The following DYSF variants were observed in gnomAD, a reference collection of about 807,000 sequenced individuals.
DYSF encodes the protein dysferlin.
A neutral mutation model predicts 274.9 loss-of-function variants in DYSF; 212 were observed. The ratio of observed to expected loss-of-function variants is 0.77; its 90% CI spans 0.69 to 0.86. DYSF has a LOEUF of 0.86. DYSF is among the 40% of genes least tolerant of loss of function. The pLI is 0.00. For missense variants in DYSF, 2,666 were observed against 2,783.2 expected, an observed-to-expected ratio of 0.96 and a Z score of 0.95; for synonymous variants, 1,091 against 1,078.7, an observed-to-expected ratio of 1.01 and a Z score of -0.22.
At position 71,586,819 on chromosome 2, in the gene DYSF, G is replaced by A. The variant is rs116101653; in HGVS notation, c.3403-2774G>A. Among the ~76,000 whole-genome samples the A allele has an allele frequency of 8.6e-3, 1,306 of 152,112 alleles. 25 individuals carry two copies. Among genetic ancestry groups the A allele is most frequent in the African/African-American group, 0.03 (1,233 of 41,494 alleles). On this transcript the variant is annotated intron_variant, in intron 30 of 55. Coordinates refer to ENST00000410020, the MANE Select transcript of DYSF (RefSeq NM_001130987.2). The stretch of plus-strand genomic sequence containing the variant: ...AGGATGGGGCCCTGGAGCCGGAGGC[G>A]CCTCCCTCCCTATGCTCACCCTAGC...
At chr2:71,570,380 T>C (rs758944326) in intron 28 of DYSF, 46 bp downstream of exon 28, 97 of 1,590,226 alleles carry the variant, frequency 6.1e-5, no homozygotes, top group Non-Finnish European at 8.0e-5. Flanking sequence ...CGGCAAGCTC[T>C]CAAGCCATGC....
chr2:71,648,716 C>A (rs964368322), intron 42 of DYSF, among the ~76,000 whole-genome samples: 15 of 152,072 alleles, frequency 9.9e-5, no homozygotes, highest in African/African-American at 3.6e-4. Flanking sequence ...AGAAATAATT[C>A]TTTGGGTAGT....
chr2:71,453,660 T>C (rs1573204497), exon 1 of DYSF: 4 of 376,180 alleles, frequency 1.1e-5, no homozygotes, highest in South Asian at 2.2e-5. Context: ...TGCCGTGTCA[T>C]TGGGAGACTC....
chr2:71,537,116 C>A (rs192090186), intron 16 of DYSF, among the ~76,000 whole-genome samples: 1 of 150,902 alleles, frequency 6.6e-6, no homozygotes, highest in African/African-American at 2.4e-5. Context: ...CTGACCTTTT[C>A]TAGGGTTTGG....
Position 71,466,821 on chromosome 2 carries a change from G to T in DYSF, c.-22G>T. On this transcript the variant is annotated 5_prime_UTR_variant, in exon 1 of 56. Coordinates refer to ENST00000410020, the MANE Select transcript of DYSF (RefSeq NM_001130987.2). ...GCTCCCGCCCTGACTGCGCGCCTGT[G>T]TGCCGCCGGGGCTGCCCAGCCATGC... The T allele has an allele frequency of 6.6e-7, 1 of 1,505,998 alleles. No homozygotes were observed. Among genetic ancestry groups the T allele is most frequent in the South Asian group, 1.2e-5 (1 of 81,768 alleles). 93.3% of individuals were successfully genotyped at this position (1,505,998 alleles called of 1,614,324 possible).
At chr2:71,511,254 G>A (rs2086062533) in intron 4 of DYSF, among the ~76,000 whole-genome samples, 2 of 152,272 alleles carry the variant, frequency 1.3e-5, no homozygotes, top group South Asian at 4.1e-4. Context: ...GGCTCTGCAA[G>A]CCTGGCAGCA....
At chr2:71,516,296 G>GTT in intron 9 of DYSF, 54 bp downstream of exon 9, 1 of 1,539,686 alleles carries the variant, frequency 6.5e-7, no homozygotes, top group Middle Eastern at 1.7e-4. Flanking sequence ...GCACATAGGT[G>GTT]TCAGTGCACA....
At chr2:71,517,070 G>T in intron 10 of DYSF, 31 bp downstream of exon 10, 1 of 1,607,708 alleles carries the variant, frequency 6.2e-7, no homozygotes, top group Non-Finnish European at 8.5e-7. Flanking sequence ...AAAGCAGTCA[G>T]TTCTCACTTC....
At chr2:71,567,832 C>A in intron 24 of DYSF, 119 bp from the exon 25 acceptor site, 1 of 1,462,002 alleles carries the variant, frequency 6.8e-7, no homozygotes, top group Non-Finnish European at 9.3e-7. Flanking sequence ...AGGGGACACT[C>A]CCAGTGAGGG....
At position 71,665,180 on chromosome 2, in the gene DYSF, G is replaced by T; in HGVS notation, c.5193G>T (p.Trp1731Cys). The change falls in exon 47 of 56, where the codon TGG becomes TGT. Residue 1731 changes from tryptophan (W) to cysteine (C), a missense_variant. Around this residue, in one of 3 missense-constraint regions of DYSF, gnomAD observed 1,460 missense variants for 1,502.1 expected, o/e 0.97. Coordinates refer to ENST00000410020, the MANE Select transcript of DYSF (RefSeq NM_001130987.2). ...QTYCVSGPNQWRDQLRPSQLL... is the reference protein window; with the variant it reads ...QTYCVSGPNQCRDQLRPSQLL... ...TCCTCAGCTCTGGACCGAACCAGTGGCGGGACCAGCTCCGCCCCTCCCAGC... is the reference window on the plus strand; with the variant it reads ...TCCTCAGCTCTGGACCGAACCAGTGTCGGGACCAGCTCCGCCCCTCCCAGC... 6.2e-7 allele frequency: 1 copy of T among 1,613,830 alleles called. No individual in the cohort carries two copies. The highest frequency in any genetic ancestry group is 8.5e-7 in the Non-Finnish European group (1 of 1,180,028).
At chr2:71,596,570 C>G (rs866176626) in intron 32 of DYSF, among the ~76,000 whole-genome samples, 87 of 152,230 alleles carry the variant, frequency 5.7e-4, no homozygotes, top group Middle Eastern at 6.8e-3. Flanking sequence ...CCTCTGGGCC[C>G]TGCCAGGGGC....
intron 41 of DYSF, among the ~76,000 whole-genome samples, chr2:71,634,618 C>G (rs1301681096): frequency 6.6e-6 from 1 of 152,178 alleles, no homozygotes; most frequent in Admixed American, 6.5e-5. Flanking sequence ...TGTAAATCAA[C>G]TTAATCTCTC....
chr2:71,483,099 C>A (rs1396105241), intron 3 of DYSF, among the ~76,000 whole-genome samples: 1 of 152,128 alleles, frequency 6.6e-6, no homozygotes, highest in Admixed American at 6.5e-5. Flanking sequence ...CCAATTGCCA[C>A]CTTCTCTCTG....
At chr2:71,496,529 A>G (rs1394821828) in intron 3 of DYSF, among the ~76,000 whole-genome samples, 1 of 152,152 alleles carries the variant, frequency 6.6e-6, no homozygotes, top group Non-Finnish European at 1.5e-5. Flanking sequence ...ACTTACACGT[A>G]GACATATAGC....
chr2:71,555,790 G>A (rs1277097737), intron 21 of DYSF, among the ~76,000 whole-genome samples, 175 bp from the exon 22 acceptor site: 1 of 152,184 alleles, frequency 6.6e-6, no homozygotes, highest in Admixed American at 6.5e-5. Flanking sequence ...GGGGAGCCTT[G>A]GAAGGTTCTT....
chr2:71,561,969 C>T, intron 23 of DYSF, 25 bp downstream of exon 23: 1 of 1,607,472 alleles, frequency 6.2e-7, no homozygotes, highest in Non-Finnish European at 8.5e-7. Flanking sequence ...GGGTGCCTTT[C>T]TTCTTCTGCT....
At chr2:71,572,573 C>T (rs1037158157) in intron 29 of DYSF, among the ~76,000 whole-genome samples, 2 of 152,226 alleles carry the variant, frequency 1.3e-5, no homozygotes, top group Admixed American at 1.3e-4. Context: ...AGCAAGGATG[C>T]AGCTTCAGGC....
rs1351431497 is a variant in DYSF, at chr2:71,513,223, C to A, written c.461-17C>A. 3 of 1,551,372 alleles carry A rather than the reference C, an allele frequency of 1.9e-6. No homozygotes were observed. The South Asian group carries it at 3.6e-5, about 18-fold the overall frequency. ...TCCTCCCTCCCCTCCCGGGGTTATG[C>A]CCTGCCCACAAGACAGGCGGGGGAC... On this transcript the variant is annotated splice_polypyrimidine_tract_variant and intron_variant, in intron 5 of 55. Coordinates refer to ENST00000410020, the MANE Select transcript of DYSF (RefSeq NM_001130987.2).
At chr2:71,579,120 A>G (rs996655257) in intron 30 of DYSF, among the ~76,000 whole-genome samples, 7 of 151,822 alleles carry the variant, frequency 4.6e-5, no homozygotes, top group African/African-American at 1.7e-4. Context: ...CACAGCAGCC[A>G]CCACCGCCGC....
Sources: gnomAD v4.1 joint callset for allele counts (sites outside exome capture counted in the v4.1 genomes callset) on GRCh38, gnomAD v4.1.1 for gene constraint, gnomAD v4.1.1 regional missense constraint, MANE v1.5 for transcripts, NCBI Gene and HGNC (gene_info 2026-07-23, HGNC 2026-07-21) for gene names.